Variants in ELMO1 observed in about 807,000 individuals in gnomAD.
The protein encoded by ELMO1 is engulfment and cell motility 1, also known as engulfment and cell motility protein 1.
Under a neutral mutation model 98.9 loss-of-function variants are expected in ELMO1, and 26 were observed. That is an observed-to-expected ratio of 0.26 (90% CI 0.19 to 0.36). The LOEUF (loss-of-function observed/expected upper bound fraction) is 0.36. ELMO1 is among the 10% of genes least tolerant of loss of function. The pLI is 1.00. For missense variants in ELMO1, 627 were observed against 935.2 expected (o/e 0.67, Z 4.30); for synonymous variants, 346 against 346.0 (o/e 1.00, Z 0.00).
rs542548368 is a variant in ELMO1 at position 37,031,140 on chromosome 7, G to T, written c.1301-17705C>A. Among the ~76,000 whole-genome samples, 3 of 152,118 alleles carry T rather than the reference G, an allele frequency of 2.0e-5. No homozygotes were observed. The South Asian group carries it at 6.2e-4, about 32-fold the overall frequency. On this transcript the variant is annotated intron_variant, in intron 15 of 21. Coordinates refer to ENST00000310758, the MANE Select transcript of ELMO1 (RefSeq NM_014800.11). ...CTGCTCTTCCGGATTAAGACAAAAG[G>T]CTACAATGGTCTCCCAGTCTCGGGA...
At chr7:37,152,240 G>A (rs901638623) in intron 13 of ELMO1, among the ~76,000 whole-genome samples, 5 of 152,172 alleles carry the variant, frequency 3.3e-5, no homozygotes, top group Non-Finnish European at 1.5e-5. Flanking sequence ...CCTGAAATCT[G>A]GATGATAGGA....
chr7:36,885,778 G>A (rs1804934375), intron 18 of ELMO1, among the ~76,000 whole-genome samples: 1 of 152,134 alleles, frequency 6.6e-6, no homozygotes, highest in African/African-American at 2.4e-5. Context: ...ACACCTAGGT[G>A]GTTATTTAAA....
intron 18 of ELMO1, among the ~76,000 whole-genome samples, chr7:36,880,688 T>C (rs2129046591): frequency 6.6e-6 from 1 of 152,268 alleles, no homozygotes; most frequent in Non-Finnish European, 1.5e-5. Context: ...GAGAAAGATG[T>C]TGTTTCCCAG....
chr7:37,446,288 G>A (rs1157722784), intron 1 of ELMO1, among the ~76,000 whole-genome samples: 1 of 152,192 alleles, frequency 6.6e-6, no homozygotes, highest in Non-Finnish European at 1.5e-5. Flanking sequence ...CTACCCTCAT[G>A]GAACTTCTGC....
chr7:37,255,922 A>G (rs2130776595), intron 6 of ELMO1, among the ~76,000 whole-genome samples: 1 of 152,306 alleles, frequency 6.6e-6, no homozygotes, highest in South Asian at 2.1e-4. Flanking sequence ...ATAGGCTACC[A>G]TGTCTGGCAG....
chr7:37,094,971 T>A (rs1356943498), intron 15 of ELMO1, among the ~76,000 whole-genome samples: 1 of 152,186 alleles, frequency 6.6e-6, no homozygotes, highest in Non-Finnish European at 1.5e-5. Context: ...CAGACATATG[T>A]CCCTTGGGCA....
intron 16 of ELMO1, among the ~76,000 whole-genome samples, chr7:36,968,923 C>T (rs1415142531): frequency 1.3e-5 from 2 of 151,990 alleles, no homozygotes; most frequent in African/African-American, 4.8e-5. Flanking sequence ...TTGGCTATAT[C>T]CCATAAGTTT....
chr7:37,242,023 T>C (rs1794790211), intron 7 of ELMO1, among the ~76,000 whole-genome samples: 1 of 152,208 alleles, frequency 6.6e-6, no homozygotes, highest in Non-Finnish European at 1.5e-5. Flanking sequence ...ACTTGCTTCA[T>C]ATATCTCCAT....
At chr7:37,319,120 C>T (rs1438097799) in intron 2 of ELMO1, among the ~76,000 whole-genome samples, 1 of 152,170 alleles carries the variant, frequency 6.6e-6, no homozygotes, top group African/African-American at 2.4e-5. Context: ...GCCCCACTCT[C>T]TTGCAAATCT....
At chr7:37,203,694 G>T (rs931371187) in intron 13 of ELMO1, among the ~76,000 whole-genome samples, 1 of 151,008 alleles carries the variant, frequency 6.6e-6, no homozygotes, top group Non-Finnish European at 1.5e-5. Flanking sequence ...GAAGAGAGGC[G>T]AGAGGAAGTT....
chr7:36,871,668 T>C (rs936405080), intron 19 of ELMO1, among the ~76,000 whole-genome samples: 5 of 152,308 alleles, frequency 3.3e-5, no homozygotes, highest in African/African-American at 1.2e-4. Context: ...ATTGGGAAAT[T>C]GGGTTGTGAA....
intron 13 of ELMO1, among the ~76,000 whole-genome samples, chr7:37,134,318 G>A (rs1787117106): frequency 6.6e-6 from 1 of 152,110 alleles, no homozygotes; most frequent in Admixed American, 6.6e-5. Context: ...CATGCCTGTA[G>A]TCCATTTTGG....
intron 16 of ELMO1, among the ~76,000 whole-genome samples, chr7:36,924,910 A>G (rs925500163): frequency 6.6e-6 from 1 of 152,216 alleles, no homozygotes; most frequent in African/African-American, 2.4e-5. Flanking sequence ...GAGGAAAAAA[A>G]GCTGATGACT....
chr7:37,211,562 G>A, intron 12 of ELMO1, 45 bp from the exon 13 acceptor site: 3 of 1,601,872 alleles, frequency 1.9e-6, no homozygotes, highest in Non-Finnish European at 2.6e-6. Context: ...GGAAAAAGCT[G>A]CTTTCATTGT....
intron 16 of ELMO1, among the ~76,000 whole-genome samples, chr7:36,992,786 G>A (rs1383170746): frequency 1.3e-5 from 2 of 152,168 alleles, no homozygotes; most frequent in Non-Finnish European, 2.9e-5. Flanking sequence ...ATTCTCATTA[G>A]AGGACAAATT....
chr7:37,268,311 T>A (rs1260800542), intron 5 of ELMO1, among the ~76,000 whole-genome samples: 1 of 152,152 alleles, frequency 6.6e-6, no homozygotes, highest in Non-Finnish European at 1.5e-5. Context: ...CCTGGCTATA[T>A]TTTTTTGTGA....
chr7:37,115,994 T>A (rs928065788), intron 14 of ELMO1, among the ~76,000 whole-genome samples: 1 of 152,232 alleles, frequency 6.6e-6, no homozygotes, highest in Non-Finnish European at 1.5e-5. Flanking sequence ...ATGGGATATA[T>A]ACGAACCCTC....
intron 12 of ELMO1, among the ~76,000 whole-genome samples, chr7:37,211,941 C>CA (rs1278542138): frequency 6.6e-6 from 1 of 151,930 alleles, no homozygotes; most frequent in African/African-American, 2.4e-5. Flanking sequence ...CAACACAGGA[C>CA]AAAAAAGAAA....
chr7:36,993,669 C>T (rs757796508), intron 16 of ELMO1, among the ~76,000 whole-genome samples: 1 of 151,970 alleles, frequency 6.6e-6, no homozygotes, highest in Non-Finnish European at 1.5e-5. Context: ...TTTTATTGTC[C>T]AGTACTTGCC....
Sources: allele counts gnomAD v4.1 joint callset (sites outside exome capture counted in the v4.1 genomes callset), GRCh38; gene constraint gnomAD v4.1.1; transcripts MANE v1.5; gene names NCBI Gene and HGNC (gene_info 2026-07-23, HGNC 2026-07-21).